Variants in EDAR observed in about 807,000 individuals in gnomAD.
The protein encoded by EDAR is ectodysplasin A receptor.
Under a neutral mutation model 51.3 loss-of-function variants are expected in EDAR, and 38 were observed. The observed-to-expected ratio is 0.74, with a 90% CI of 0.57 to 0.97. The LOEUF is 0.97. Among genes scored for constraint, EDAR ranks in the 50% least tolerant of loss-of-function variants. EDAR has a pLI of 0.00. For missense variants in EDAR, 528 were observed against 595.0 expected (o/e 0.89, Z 1.17); for synonymous variants, 227 against 242.1 (o/e 0.94, Z 0.58).
At chr2:108,979,750 G>A (rs540838025) in intron 1 of EDAR, among the ~76,000 whole-genome samples, 2 of 152,278 alleles carry the variant, frequency 1.3e-5, no homozygotes, top group East Asian at 3.9e-4. Flanking sequence ...CAGAGGAGGA[G>A]CCACTGAGGC....
chr2:108,958,155 G>A (rs533269215), intron 1 of EDAR, among the ~76,000 whole-genome samples: 34 of 152,138 alleles, frequency 2.2e-4, no homozygotes, highest in African/African-American at 7.7e-4. Flanking sequence ...AGAAAGAAAG[G>A]CGGGAGAGAA....
At chr2:108,930,697 G>A (rs1697351793) in intron 2 of EDAR, among the ~76,000 whole-genome samples, 2 of 152,122 alleles carry the variant, frequency 1.3e-5, no homozygotes, top group African/African-American at 4.8e-5. Context: ...ATAGACACAG[G>A]GCTGTGTGTA....
chr2:108,918,505 G>A (rs775975584), intron 5 of EDAR, among the ~76,000 whole-genome samples: 1 of 152,212 alleles, frequency 6.6e-6, no homozygotes, highest in Non-Finnish European at 1.5e-5. Flanking sequence ...CAAGGCTGGG[G>A]TGTTTGATAA....
At chr2:108,949,718 T>C (rs548319016) in intron 1 of EDAR, among the ~76,000 whole-genome samples, 1 of 152,316 alleles carries the variant, frequency 6.6e-6, no homozygotes, top group Admixed American at 6.5e-5. Flanking sequence ...CCCAGTCCTG[T>C]GTGCCATATG....
At chr2:108,944,861 C>T (rs1265244993) in intron 1 of EDAR, among the ~76,000 whole-genome samples, 13 of 152,158 alleles carry the variant, frequency 8.5e-5, no homozygotes, top group African/African-American at 1.2e-4. Flanking sequence ...GAGCTATGGT[C>T]GCCGCCACCT....
Position 108,929,270 on chromosome 2 carries a change from C to T in EDAR, c.284G>A (p.Gly95Asp). The change falls in exon 4 of 12, where the codon GGC becomes GAC. Residue 95 changes from glycine to aspartate, a missense_variant. Gly to Asp is a moderately conservative substitution (Grantham distance 94). Coordinates refer to ENST00000258443, the MANE Select transcript of EDAR (RefSeq NM_022336.4). ...QICRRHKDCE[G>D]FFRATVLTPG... is the part of the protein sequence containing the mutation. ...TGTCAGCACGGTGGCCCGGAAGAAG[C>T]CCTCACAGTCTTTGTGACGCCTGCA... The T allele has an allele frequency of 6.2e-7, 1 of 1,614,174 alleles. No individual in the cohort carries two copies. The highest frequency in any genetic ancestry group is 8.5e-7 in the Non-Finnish European group (1 of 1,180,032).
intron 1 of EDAR, among the ~76,000 whole-genome samples, chr2:108,981,892 G>A (rs1470996719): frequency 1.3e-5 from 2 of 152,186 alleles, no homozygotes; most frequent in African/African-American, 4.8e-5. Context: ...AGACGGAAAC[G>A]CTAAGGAAGC....
chr2:108,969,249 T>G (rs1366596978), intron 1 of EDAR, among the ~76,000 whole-genome samples: 8 of 151,936 alleles, frequency 5.3e-5, no homozygotes, highest in Admixed American at 5.2e-4. Flanking sequence ...TGCCCTCAGC[T>G]CCAACCTCCA....
chr2:108,920,092 C>T (rs1487834560), intron 5 of EDAR, among the ~76,000 whole-genome samples: 1 of 152,372 alleles, frequency 6.6e-6, no homozygotes, highest in East Asian at 1.9e-4. Flanking sequence ...TCTCTTTCCC[C>T]TTCTGTGTGC....
In EDAR at chr2:108,930,986, G is replaced by C. The variant is rs777888641; in HGVS notation, c.29C>G (p.Thr10Arg). 2 of 1,614,014 alleles carry C rather than the reference G, an allele frequency of 1.2e-6. No individual in the cohort carries two copies. The highest frequency in any genetic ancestry group is 1.1e-5 in the South Asian group (1 of 91,092). ...TACCACCAGGACGGGGAGCCAGGGCGTCTGCGTGCAGTCCCCCACATGGGC... is the reference window on the plus strand; with the variant it reads ...TACCACCAGGACGGGGAGCCAGGGCCTCTGCGTGCAGTCCCCCACATGGGC... MAHVGDCTQ[T>R]PWLPVLVVSL... Residue 10 changes from threonine to arginine, a missense_variant, in exon 2 of 12, where the codon ACG becomes AGG. Physicochemically the swap from Thr to Arg is moderately conservative, Grantham distance 71. Transcript: ENST00000258443.
chr2:108,936,619 C>T (rs1697474299), intron 1 of EDAR, among the ~76,000 whole-genome samples: 1 of 152,174 alleles, frequency 6.6e-6, no homozygotes, highest in Non-Finnish European at 1.5e-5. Flanking sequence ...TCCCTGAAGC[C>T]CCCACTTCCC....
In EDAR at chr2:108,896,993, GC is replaced by G; in HGVS notation, c.1260del (p.Leu421TrpfsTer79). On this transcript the variant is annotated frameshift_variant, in exon 12 of 12. Coordinates refer to ENST00000258443, the MANE Select transcript of EDAR (RefSeq NM_022336.4). LOFTEE classifies it high-confidence loss of function. ...GCACACAAGGACTCCACAGCATCCA[GC>G]CGCTCAATCTGCACCAGTTTTGTGA... ...ELLTKLVQIERLDAVESLCAD... is the reference protein window; with the variant it reads ...ELLTKLVQIEXLDAVESLCAD... 1 of 1,613,878 alleles carries G rather than the reference GC, an allele frequency of 6.2e-7. No individual in the cohort carries two copies. The highest frequency in any genetic ancestry group is 8.5e-7 in the Non-Finnish European group (1 of 1,179,910).
At chr2:108,963,308 T>C (rs567056658) in intron 1 of EDAR, among the ~76,000 whole-genome samples, 5 of 152,334 alleles carry the variant, frequency 3.3e-5, no homozygotes, top group Admixed American at 2.0e-4. Context: ...ATAGCAACTA[T>C]GAGAAAAGAA....
At chr2:108,985,646 G>A (rs1698485710) in intron 1 of EDAR, among the ~76,000 whole-genome samples, 3 of 152,336 alleles carry the variant, frequency 2.0e-5, no homozygotes, top group South Asian at 4.1e-4. Flanking sequence ...ACATGTGTCT[G>A]CTCCTTCCTG....
At chr2:108,921,204 TG>T (rs1215728148) in intron 5 of EDAR, among the ~76,000 whole-genome samples, 2 of 152,052 alleles carry the variant, frequency 1.3e-5, no homozygotes, top group African/African-American at 4.8e-5. Context: ...GGTTAGAGCC[TG>T]GGAGGTGTGG....
rs1265046806 is a variant in EDAR at position 108,897,086 on chromosome 2, C to T, written c.1168G>A (p.Gly390Ser). 2 of 1,614,024 alleles carry T rather than the reference C, an allele frequency of 1.2e-6. No individual in the cohort carries two copies. Among genetic ancestry groups the T allele is most frequent in the African/African-American group, 2.7e-5 (2 of 74,928 alleles). ...AAGAGTTGCATGCCGTCTGTCATGC[C>T]CCCAATCTCATCCCTCTTCAGGCCG... ...SFGLKRDEIG[G>S]MTDGMQLFDR... Residue 390 changes from glycine (G) to serine (S), a missense_variant, in exon 12 of 12, where the codon GGC becomes AGC. Coordinates refer to ENST00000258443, the MANE Select transcript of EDAR (RefSeq NM_022336.4).
At chr2:108,978,089 C>T (rs528989591) in intron 1 of EDAR, among the ~76,000 whole-genome samples, 9 of 152,304 alleles carry the variant, frequency 5.9e-5, no homozygotes, top group Non-Finnish European at 1.0e-4. Flanking sequence ...TAGGGAAGAG[C>T]CCAGGGTAGG....
At chr2:108,908,349 GTT>G (rs1696853090) in intron 9 of EDAR, among the ~76,000 whole-genome samples, 1 of 152,166 alleles carries the variant, frequency 6.6e-6, no homozygotes, top group Non-Finnish European at 1.5e-5. Context: ...CTCCGTGAAG[GTT>G]CATTGAATAT....
intron 1 of EDAR, among the ~76,000 whole-genome samples, chr2:108,963,869 C>A (rs1359059375): frequency 6.6e-6 from 1 of 152,186 alleles, no homozygotes; most frequent in Non-Finnish European, 1.5e-5. Flanking sequence ...GAGACACCCA[C>A]ACACTCAGAA....
Sources: gnomAD v4.1 joint callset for allele counts (sites outside exome capture counted in the v4.1 genomes callset) on GRCh38, gnomAD v4.1.1 for gene constraint, MANE v1.5 for transcripts, NCBI Gene and HGNC (gene_info 2026-07-23, HGNC 2026-07-21) for gene names.